MROH2B: variants seen among roughly 807,000 people sequenced by gnomAD.
The protein encoded by MROH2B is maestro heat like repeat family member 2B, also known as maestro heat-like repeat-containing protein family member 2B.
A neutral mutation model predicts 208.6 loss-of-function variants in MROH2B; 177 were observed. That is an observed-to-expected ratio of 0.85 (90% CI 0.75 to 0.96). The LOEUF (loss-of-function observed/expected upper bound fraction) is 0.96. MROH2B is among the 40% of genes least tolerant of loss of function. The pLI is 0.00. For synonymous variants in MROH2B, 728 were observed against 659.0 expected, an observed-to-expected ratio of 1.10 and a Z score of -1.60; for missense variants, 2,002 against 1,878.7, an observed-to-expected ratio of 1.07 and a Z score of -1.21.
Position 41,000,263 on chromosome 5 carries a change from A to G in MROH2B, c.4439T>C (p.Leu1480Pro). Residue 1480 changes from leucine (L) to proline (P), a missense_variant, in exon 39 of 42, where the codon CTA becomes CCA. Physicochemically the swap from Leu to Pro is moderately conservative, Grantham distance 98. Transcript: ENST00000399564. Reference protein sequence around the residue: ...GVLDRLLDQDLPRARDFYRQF... With the variant: ...GVLDRLLDQDPPRARDFYRQF... Reference sequence around the variant, plus strand: ...CCTGTAGAAATCCCTGGCCCTTGGTAGATCCTGATCAAGGAGACGGTCTAA... The same window carrying G: ...CCTGTAGAAATCCCTGGCCCTTGGTGGATCCTGATCAAGGAGACGGTCTAA... The G allele has an allele frequency of 6.2e-7, 1 of 1,613,946 alleles. No individual in the cohort carries two copies. The highest frequency in any genetic ancestry group is 1.1e-5 in the South Asian group (1 of 91,088).
At chr5:41,060,838 C>T (rs970380188) in intron 6 of MROH2B, among the ~76,000 whole-genome samples, 11 of 152,086 alleles carry the variant, frequency 7.2e-5, no homozygotes, top group African/African-American at 2.4e-4. Flanking sequence ...ATTTAACTAC[C>T]TCAGGATGTT....
At chr5:41,033,209 T>C in intron 22 of MROH2B, 49 bp from the exon 23 acceptor site, 1 of 1,600,854 alleles carries the variant, frequency 6.2e-7, no homozygotes, top group Non-Finnish European at 8.5e-7. Flanking sequence ...GACACCACAC[T>C]CAGGTCTATT....
chr5:41,026,338 T>C (rs993949883), intron 24 of MROH2B, among the ~76,000 whole-genome samples: 9 of 152,166 alleles, frequency 5.9e-5, no homozygotes, highest in African/African-American at 2.2e-4. Flanking sequence ...TTCAGCAAAG[T>C]CTCAGGATAC....
At chr5:41,065,643 C>T (rs1743785872) in intron 3 of MROH2B, among the ~76,000 whole-genome samples, 153 bp from the exon 4 acceptor site, 1 of 152,108 alleles carries the variant, frequency 6.6e-6, no homozygotes, top group African/African-American at 2.4e-5. Flanking sequence ...TCACATGGTT[C>T]AACTGTGTAA....
chr5:41,034,854 C>A (rs938256706), intron 21 of MROH2B, among the ~76,000 whole-genome samples: 1 of 151,832 alleles, frequency 6.6e-6, no homozygotes, highest in Non-Finnish European at 1.5e-5. Flanking sequence ...TTTACAATAG[C>A]CACAAAGAAA....
chr5:41,062,858 G>A (rs1743683940), intron 5 of MROH2B, among the ~76,000 whole-genome samples: 2 of 152,098 alleles, frequency 1.3e-5, no homozygotes, highest in Admixed American at 1.3e-4. Context: ...GTGTGTGTAT[G>A]TGTGTACATG....
intron 18 of MROH2B, among the ~76,000 whole-genome samples, chr5:41,042,890 C>T (rs933496661): frequency 6.6e-6 from 1 of 152,188 alleles, no homozygotes; most frequent in Non-Finnish European, 1.5e-5. Context: ...CAGGTATGAG[C>T]CACCATGCCC....
intron 27 of MROH2B, 90 bp downstream of exon 27, chr5:41,018,251 C>T (rs1013672484): frequency 2.4e-6 from 3 of 1,268,994 alleles, no homozygotes; most frequent in Non-Finnish European, 3.3e-6. Context: ...GATGCACGAT[C>T]CATCATGCAG....
Position 41,008,790 on chromosome 5 carries a change from C to A in MROH2B, c.3424G>T (p.Ala1142Ser). Residue 1142 changes from alanine to serine, a missense_variant, in exon 33 of 42, where the codon GCC becomes TCC. By Grantham distance (99) the Ala-to-Ser change is moderately conservative (BLOSUM62 1). Coordinates refer to ENST00000399564, the MANE Select transcript of MROH2B (RefSeq NM_173489.5). ...GAGATCACTTCATACATAGCACAGG[C>A]CACCTGAGGGGAGAAAGGGCCTCTT... is the stretch of plus-strand genomic sequence containing the variant. ...DIARVEAISV[A>S]CAMYEVISMG... The A allele has an allele frequency of 6.2e-7, 1 of 1,609,538 alleles. No homozygotes were observed. Among genetic ancestry groups the A allele is most frequent in the East Asian group, 2.2e-5 (1 of 44,782 alleles).
intron 37 of MROH2B, among the ~76,000 whole-genome samples, chr5:41,003,280 T>C (rs16870606): frequency 0.45 from 68,379 of 151,772 alleles, 15,658 homozygotes; most frequent in African/African-American, 0.5. Flanking sequence ...TATTGGTTAA[T>C]TGGAGGAAAT....
chr5:41,001,512 A>T (rs1239249631), intron 37 of MROH2B, among the ~76,000 whole-genome samples: 1 of 152,106 alleles, frequency 6.6e-6, no homozygotes, highest in Admixed American at 6.5e-5. Context: ...AGAGTTTGAG[A>T]CCAGCCTGGC....
In MROH2B at chr5:41,008,760, C is replaced by A. The variant is rs1361767350; in HGVS notation, c.3454G>T (p.Gly1152Cys). Residue 1152 changes from glycine (G) to cysteine (C), a missense_variant, in exon 33 of 42, where the codon GGC becomes TGC. Transcript: ENST00000399564. Reference sequence around the variant, plus strand: ...GGATACAAGCCGGTGACAGAGGTGCCCATTGAGATCACTTCATACATAGCA... The same window carrying A: ...GGATACAAGCCGGTGACAGAGGTGCACATTGAGATCACTTCATACATAGCA... ...ACAMYEVISM[G>C]TSVTGLYPEL... The A allele has an allele frequency of 1.9e-6, 3 of 1,613,522 alleles. No homozygotes were observed. The highest frequency in any genetic ancestry group is 2.2e-5 in the South Asian group (2 of 90,994).
intron 11 of MROH2B, 63 bp from the exon 12 acceptor site, chr5:41,052,650 A>G: frequency 1.4e-6 from 2 of 1,420,482 alleles, no homozygotes; most frequent in African/African-American, 1.4e-5. Flanking sequence ...AATTTACCTT[A>G]TTTTATTCTA....
rs978040657 is a variant in MROH2B at position 41,020,157 on chromosome 5, A to C, written c.2442-1139T>G. Among the ~76,000 whole-genome samples the C allele has an allele frequency of 3.9e-5, 6 of 152,258 alleles. No individual in the cohort carries two copies. The East Asian group carries it at 1.2e-3, about 29-fold the overall frequency. ...GAAGATTTAGTATGAAGAATAATAT[A>C]AATTATCCAATTTTAAAATAATGAA... On this transcript the variant is annotated intron_variant, in intron 24 of 41. Transcript: ENST00000399564.
rs1284128405 is a variant in MROH2B, at chr5:41,065,468, A to G, written c.224T>C (p.Leu75Pro). The part of the protein sequence containing the change: ...DNNMLREIRM[L>P]AGEVLVSLAA... ...AAGAGACACCAAAACCTCACCAGCT[A>G]GCATTCTGATTTCTCTGAGCATCTG... The change falls in exon 4 of 42, where the codon CTA (leucine) becomes CCA (proline). Residue 75 changes from leucine to proline, a missense_variant. By Grantham distance (98) the Leu-to-Pro change is moderately conservative (BLOSUM62 -3). Transcript: ENST00000399564. 1 of 1,613,160 alleles carries G rather than the reference A, an allele frequency of 6.2e-7. No individual in the cohort carries two copies. Among genetic ancestry groups the G allele is most frequent in the Non-Finnish European group, 8.5e-7 (1 of 1,179,534 alleles).
intron 30 of MROH2B, among the ~76,000 whole-genome samples, chr5:41,010,330 G>A (rs953928176): frequency 2.0e-5 from 3 of 152,116 alleles, no homozygotes; most frequent in Admixed American, 6.5e-5. Flanking sequence ...TGCCATTGTC[G>A]GAATTTACCA....
Position 41,019,000 on chromosome 5 carries a change from G to C in MROH2B, c.2460C>G (p.Leu820=), listed in dbSNP as rs1376197073. ...IRYLSKLKPQ[L]SLQDHLNILE... ...GAATGTTAAGGTGGTCTTGTAGTGA[G>C]AGCTGAGGTTTCAGTTTACTGAAAT... The change falls in exon 25 of 42, where the codon CTC becomes CTG. Residue 820 remains leucine (L), a synonymous_variant. Coordinates refer to ENST00000399564, the MANE Select transcript of MROH2B (RefSeq NM_173489.5). 7 of 1,613,784 alleles carry C rather than the reference G, an allele frequency of 4.3e-6. No homozygotes were observed. The highest frequency in any genetic ancestry group is 3.4e-6 in the Non-Finnish European group (4 of 1,179,864).
At chr5:41,055,070 G>T (rs1007847100) in intron 10 of MROH2B, among the ~76,000 whole-genome samples, 3 of 152,026 alleles carry the variant, frequency 2.0e-5, no homozygotes, top group Non-Finnish European at 2.9e-5. Flanking sequence ...AAAATGTTAG[G>T]TTCCATAGTG....
intron 3 of MROH2B, among the ~76,000 whole-genome samples, chr5:41,065,956 A>G (rs1743800777): frequency 2.6e-5 from 4 of 152,188 alleles, no homozygotes; most frequent in Admixed American, 2.6e-4. Context: ...GGTAGGTGTT[A>G]GTAGCTGGGA....
Sources: allele counts gnomAD v4.1 joint callset (sites outside exome capture counted in the v4.1 genomes callset), GRCh38; gene constraint gnomAD v4.1.1; transcripts MANE v1.5; gene names NCBI Gene and HGNC (gene_info 2026-07-23, HGNC 2026-07-21).